The following STK33 variants were observed in gnomAD, a reference collection of about 807,000 sequenced individuals.
STK33 encodes the protein serine/threonine-protein kinase 33.
In STK33, 52 loss-of-function variants were observed where a neutral mutation model predicts 58.0. The ratio of observed to expected loss-of-function variants is 0.90; its 90% CI spans 0.72 to 1.13. The LOEUF (loss-of-function observed/expected upper bound fraction) is 1.13. Ranked by LOEUF, STK33 falls within the 50% of genes most tolerant of loss-of-function variation. The pLI is 0.00. For missense variants in STK33, 630 were observed against 604.2 expected (o/e 1.04, Z -0.45); for synonymous variants, 215 against 200.1 (o/e 1.07, Z -0.63).
intron 1 of STK33, among the ~76,000 whole-genome samples, chr11:8,489,660 T>C (rs188933543): frequency 2.1e-4 from 32 of 152,322 alleles, no homozygotes; most frequent in Non-Finnish European, 4.1e-4. Context: ...TATGACCTAA[T>C]CACCTCTTAA....
chr11:8,495,557 A>G (rs1040829434), intron 1 of STK33, among the ~76,000 whole-genome samples: 1 of 152,336 alleles, frequency 6.6e-6, no homozygotes, highest in East Asian at 1.9e-4. Context: ...TCAAGGATCT[A>G]GAACTAGAAA....
chr11:8,353,533 C>A, the STK33 span, among the ~76,000 whole-genome samples: 1 of 152,168 alleles, frequency 6.6e-6, no homozygotes, highest in African/African-American at 2.4e-5. Flanking sequence ...CTGCTGAAAT[C>A]GGTTAGAACA....
chr11:8,398,723 C>T (rs551787379), intron 15 of STK33, among the ~76,000 whole-genome samples: 11 of 151,000 alleles, frequency 7.3e-5, no homozygotes, highest in African/African-American at 1.7e-4. Flanking sequence ...ACTCATCTCA[C>T]GTGCAGAGAC....
At chr11:8,454,166 A>T (rs1017301803) in intron 10 of STK33, among the ~76,000 whole-genome samples, 12 of 152,252 alleles carry the variant, frequency 7.9e-5, no homozygotes, top group African/African-American at 2.7e-4. Context: ...TTACTCACAG[A>T]CAACATTTTA....
intron 1 of STK33, among the ~76,000 whole-genome samples, chr11:8,592,998 A>C (rs1215748680): frequency 6.6e-6 from 1 of 152,198 alleles, no homozygotes; most frequent in Non-Finnish European, 1.5e-5. Flanking sequence ...GAGATACTCA[A>C]ATGGATTTGA....
chr11:8,577,016 C>G (rs1055652797), intron 1 of STK33, among the ~76,000 whole-genome samples: 3 of 152,256 alleles, frequency 2.0e-5, no homozygotes, highest in African/African-American at 7.2e-5. Context: ...TCCCAACGTG[C>G]TGGGACTACA....
intron 14 of STK33, among the ~76,000 whole-genome samples, chr11:8,422,428 G>T (rs900837433): frequency 3.3e-5 from 5 of 152,092 alleles, no homozygotes; most frequent in African/African-American, 1.2e-4. Context: ...TTGTCACAAT[G>T]TCGTGGTATA....
chr11:8,561,429 T>A (rs1234443995), intron 1 of STK33, among the ~76,000 whole-genome samples: 3 of 152,204 alleles, frequency 2.0e-5, no homozygotes, highest in Non-Finnish European at 4.4e-5. Context: ...TTTCGGTGAC[T>A]TGCTTTTCCT....
chr11:8,453,816 A>G (rs1946555888), intron 10 of STK33, among the ~76,000 whole-genome samples: 1 of 152,246 alleles, frequency 6.6e-6, no homozygotes, highest in Non-Finnish European at 1.5e-5. Context: ...TTCTAAACAG[A>G]TGAATCAATT....
At chr11:8,439,660 G>A (rs1357253384) in intron 12 of STK33, among the ~76,000 whole-genome samples, 2 of 151,196 alleles carry the variant, frequency 1.3e-5, no homozygotes, top group African/African-American at 4.9e-5. Context: ...GGGTGTGTCC[G>A]AGTATTGAAA....
chr11:8,503,804 C>T (rs1951685411), intron 1 of STK33, among the ~76,000 whole-genome samples: 1 of 152,066 alleles, frequency 6.6e-6, no homozygotes, highest in Non-Finnish European at 1.5e-5. Flanking sequence ...TGATTTAGCC[C>T]ACTAGGTCTC....
intron 1 of STK33, among the ~76,000 whole-genome samples, chr11:8,488,090 G>A (rs1950314423): frequency 6.6e-6 from 1 of 152,114 alleles, no homozygotes; most frequent in Non-Finnish European, 1.5e-5. Flanking sequence ...CCCAAGAACT[G>A]TCATTATTTT....
intron 1 of STK33, among the ~76,000 whole-genome samples, chr11:8,584,492 C>T (rs2031106635): frequency 1.3e-5 from 2 of 152,158 alleles, no homozygotes; most frequent in South Asian, 4.1e-4. Context: ...TTATTAATAA[C>T]ACAAATAAGG....
At chr11:8,551,478 G>A (rs187857655) in intron 1 of STK33, among the ~76,000 whole-genome samples, 13 of 152,078 alleles carry the variant, frequency 8.5e-5, no homozygotes, top group Admixed American at 8.5e-4. Context: ...AATGCTTCTG[G>A]GTCCACTGCT....
the STK33 span, among the ~76,000 whole-genome samples, chr11:8,335,726 A>G: frequency 6.6e-6 from 1 of 152,194 alleles, no homozygotes; most frequent in Non-Finnish European, 1.5e-5. Flanking sequence ...TTAACCCAAT[A>G]TTATTACTGG....
intron 1 of STK33, among the ~76,000 whole-genome samples, chr11:8,585,740 G>C (rs533430854): frequency 6.6e-6 from 1 of 151,418 alleles, no homozygotes; most frequent in Non-Finnish European, 1.5e-5. Context: ...CAAAAACCCT[G>C]TCTCTACAAA....
chr11:8,364,212 G>A, the STK33 span, among the ~76,000 whole-genome samples: 29 of 152,212 alleles, frequency 1.9e-4, no homozygotes, highest in Non-Finnish European at 3.4e-4. Context: ...AAATGGTGGC[G>A]ACGTCGTCGG....
At chr11:8,467,776 G>A (rs1591310296) in intron 6 of STK33, 1 of 152,146 alleles carries the variant, frequency 6.6e-6, no homozygotes, top group South Asian at 2.1e-4. Flanking sequence ...GAAACCCCAT[G>A]TCTACTAAAA....
At chr11:8,355,039 G>A in the STK33 span, among the ~76,000 whole-genome samples, 2 of 152,250 alleles carry the variant, frequency 1.3e-5, no homozygotes, top group Admixed American at 1.3e-4. Flanking sequence ...GGAGGGGAAC[G>A]ACGGGTTCAA....
Sources: gnomAD v4.1 joint callset for allele counts (sites outside exome capture counted in the v4.1 genomes callset) on GRCh38, gnomAD v4.1.1 for gene constraint, MANE v1.5 for transcripts, NCBI Gene and HGNC (gene_info 2026-07-23, HGNC 2026-07-21) for gene names.